NTN4: variants seen among roughly 807,000 people sequenced by gnomAD.
NTN4 encodes netrin 4.
NTN4 carries 32 observed loss-of-function variants against 73.6 expected under a neutral mutation model. That is an observed-to-expected ratio of 0.44 (90% confidence interval 0.33 to 0.58). The LOEUF (loss-of-function observed/expected upper bound fraction) is 0.58, where lower values mean the gene tolerates loss of function less well. Among genes scored for constraint, NTN4 ranks in the 20% least tolerant of loss-of-function variants. The pLI is 0.04. For synonymous variants in NTN4, 258 were observed against 287.5 expected, an observed-to-expected ratio of 0.90 and a Z score of 1.04; for missense variants, 654 against 798.3, an observed-to-expected ratio of 0.82 and a Z score of 2.18.
intron 3 of NTN4, among the ~76,000 whole-genome samples, chr12:95,721,098 T>C (rs1422196337): frequency 2.6e-5 from 4 of 152,192 alleles, no homozygotes; most frequent in Non-Finnish European, 2.9e-5. Flanking sequence ...ACCCCTAAAC[T>C]ATGCCATTGT....
chr12:95,756,377 G>T (rs1251420912), intron 2 of NTN4, among the ~76,000 whole-genome samples: 1 of 152,112 alleles, frequency 6.6e-6, no homozygotes, highest in Non-Finnish European at 1.5e-5. Flanking sequence ...TTCTTCAAAG[G>T]TCTGAGATGT....
At chr12:95,754,639 G>C (rs955038816) in intron 2 of NTN4, among the ~76,000 whole-genome samples, 2 of 152,090 alleles carry the variant, frequency 1.3e-5, no homozygotes, top group Non-Finnish European at 2.9e-5. Flanking sequence ...GATTAACCCT[G>C]TGAATTTCCT....
chr12:95,682,057 C>CTTTTTTTTTGTTTTTTTTTTTT (rs2078320643), intron 7 of NTN4, among the ~76,000 whole-genome samples: 1 of 64,546 alleles, frequency 1.5e-5, no homozygotes, highest in Non-Finnish European at 2.6e-5. Flanking sequence ...ATTCAGTAGG[C>CTTTTTTTTTGTTTTTTTTTTTT]TTTTTTTTTT....
At chr12:95,724,663 GA>G (rs2078678217) in intron 3 of NTN4, among the ~76,000 whole-genome samples, 1 of 152,110 alleles carries the variant, frequency 6.6e-6, no homozygotes, top group African/African-American at 2.4e-5. Flanking sequence ...AAAAATACTA[GA>G]TTTTTGCTGT....
At chr12:95,677,244 C>T (rs1351499053) in intron 7 of NTN4, among the ~76,000 whole-genome samples, 7 of 151,772 alleles carry the variant, frequency 4.6e-5, no homozygotes, top group African/African-American at 2.4e-5. Flanking sequence ...AAAAAAGAAT[C>T]GGTAATTTTC....
chr12:95,745,249 C>T (rs1336444935), intron 2 of NTN4, among the ~76,000 whole-genome samples: 1 of 152,042 alleles, frequency 6.6e-6, no homozygotes, highest in Non-Finnish European at 1.5e-5. Flanking sequence ...TTGTTCCCCT[C>T]CTCTCCCTTC....
At chr12:95,713,155 C>T in intron 4 of NTN4, 57 bp downstream of exon 4, 2 of 1,578,906 alleles carry the variant, frequency 1.3e-6, no homozygotes, top group Non-Finnish European at 1.7e-6. Context: ...ACAAGGAGTC[C>T]ACAGATGCGT....
intron 2 of NTN4, among the ~76,000 whole-genome samples, chr12:95,756,564 C>A (rs147814385): frequency 9.2e-4 from 140 of 152,292 alleles, no homozygotes; most frequent in African/African-American, 3.1e-3. Context: ...TGTGCCTACA[C>A]TGGTAACTTC....
chr12:95,767,371 A>T (rs1379937457), intron 2 of NTN4, among the ~76,000 whole-genome samples: 2 of 124,716 alleles, frequency 1.6e-5, no homozygotes, highest in African/African-American at 3.1e-5. Flanking sequence ...ACAGCTCAGA[A>T]ATTTCTCACA....
chr12:95,672,754 T>C (rs548960982), intron 7 of NTN4: 109 of 1,358,744 alleles, frequency 8.0e-5, no homozygotes, highest in East Asian at 3.9e-4. Flanking sequence ...TGATCAGCTA[T>C]CCTCCTGTGA....
intron 2 of NTN4, among the ~76,000 whole-genome samples, chr12:95,744,650 C>A (rs2078848785): frequency 6.6e-6 from 1 of 152,136 alleles, no homozygotes; most frequent in Admixed American, 6.5e-5. Context: ...AATACCTTGG[C>A]TTTAAAAAGC....
At chr12:95,671,562 T>C (rs2078230535) in intron 7 of NTN4, among the ~76,000 whole-genome samples, 2 of 152,286 alleles carry the variant, frequency 1.3e-5, no homozygotes, top group African/African-American at 4.8e-5. Context: ...GGTTGTGCTC[T>C]CCTTATGAGA....
chr12:95,754,492 T>A (rs1177405866), intron 2 of NTN4, among the ~76,000 whole-genome samples: 1 of 152,100 alleles, frequency 6.6e-6, no homozygotes, highest in Non-Finnish European at 1.5e-5. Flanking sequence ...AGCCATCGCA[T>A]CCCCTGTGAC....
At chr12:95,680,293 T>C (rs926110916) in intron 7 of NTN4, among the ~76,000 whole-genome samples, 1 of 152,218 alleles carries the variant, frequency 6.6e-6, no homozygotes, top group African/African-American at 2.4e-5. Context: ...AAAGAACTAC[T>C]ACAAATTCGT....
At chr12:95,743,483 G>A (rs1410454538) in intron 2 of NTN4, among the ~76,000 whole-genome samples, 1 of 152,140 alleles carries the variant, frequency 6.6e-6, no homozygotes, top group African/African-American at 2.4e-5. Context: ...GATTTGAGAT[G>A]TTTCTTTTTC....
intron 7 of NTN4, 73 bp downstream of exon 7, chr12:95,682,634 C>A (rs1022354657): frequency 5.1e-6 from 5 of 978,866 alleles, no homozygotes; most frequent in Non-Finnish European, 8.0e-6. Context: ...AAAAGCTGGA[C>A]CCTGGTTTGT....
intron 5 of NTN4, among the ~76,000 whole-genome samples, chr12:95,695,506 A>G (rs899182934): frequency 3.3e-5 from 5 of 152,108 alleles, no homozygotes; most frequent in Non-Finnish European, 1.5e-5. Flanking sequence ...CTGGGGTTAC[A>G]GGTGTGTGCC....
intron 3 of NTN4, among the ~76,000 whole-genome samples, chr12:95,735,561 G>A (rs1365391998): frequency 6.6e-6 from 1 of 152,156 alleles, no homozygotes; most frequent in Non-Finnish European, 1.5e-5. Context: ...CGTTCCATAG[G>A]GTTTTCTAGG....
Position 95,682,820 on chromosome 12 carries a change from T to C in NTN4, c.1397A>G (p.His466Arg). ...DPITGDCISSHTDIDWYHEVP... is the reference protein window; with the variant it reads ...DPITGDCISSRTDIDWYHEVP... ...TTCATGATACCAGTCTATGTCTGTG[T>C]GGCTAACAAAATAGAACATGATAAA... Residue 466 changes from histidine to arginine, a missense_variant and splice_region_variant, in exon 7 of 10, where the codon CAC becomes CGC. His to Arg is a conservative substitution (Grantham distance 29, BLOSUM62 0). Transcript: ENST00000343702. 6.3e-7 allele frequency: 1 copy of C among 1,591,828 alleles called. No homozygotes were observed.
Sources: gnomAD v4.1 joint callset for allele counts (sites outside exome capture counted in the v4.1 genomes callset) on GRCh38, gnomAD v4.1.1 for gene constraint, MANE v1.5 for transcripts, NCBI Gene and HGNC (gene_info 2026-07-23, HGNC 2026-07-21) for gene names.